STAMBPL1: variants seen among roughly 807,000 people sequenced by gnomAD.
STAMBPL1 encodes the protein STAM binding protein like 1.
Under a neutral mutation model 52.9 loss-of-function variants are expected in STAMBPL1, and 44 were observed. The observed-to-expected ratio is 0.83, with a 90% CI of 0.65 to 1.07. The LOEUF is 1.07. Ranked by LOEUF, STAMBPL1 falls within the 50% of genes least tolerant of loss-of-function variation. The pLI, the probability that STAMBPL1 is intolerant of heterozygous loss-of-function variation, is 0.00. For missense variants in STAMBPL1, 511 were observed against 520.8 expected (o/e 0.98, Z 0.18); for synonymous variants, 164 against 177.3 (o/e 0.92, Z 0.60).
rs543974678 is a variant in STAMBPL1 at position 88,916,616 on chromosome 10, C to T, written c.904-64C>T. Reference sequence around the variant, plus strand: ...CTCTTTAGTCTTAAACATTTCATTTCCTGTTCAGTTATTTTTTTTTTTTCT... The same window carrying T: ...CTCTTTAGTCTTAAACATTTCATTTTCTGTTCAGTTATTTTTTTTTTTTCT... On this transcript the variant is annotated intron_variant, in intron 7 of 10. Coordinates refer to ENST00000371926, the MANE Select transcript of STAMBPL1 (RefSeq NM_020799.4). 1.2e-4 allele frequency: 179 copies of T among 1,461,396 alleles called. 1 individual carries two copies. The African/African-American group carries it at 2.4e-3, about 19-fold the overall frequency. 90.5% of individuals were successfully genotyped at this position (1,461,396 alleles called of 1,614,324 possible). A position where few individuals can be genotyped will look rare whatever the true frequency, so the allele number is the denominator to read the frequency against.
intron 3 of STAMBPL1, among the ~76,000 whole-genome samples, chr10:88,907,309 AAGTT>A: frequency 6.6e-6 from 1 of 152,350 alleles, no homozygotes; most frequent in East Asian, 1.9e-4. Flanking sequence ...CATTTTATTC[AAGTT>A]ACTGAACTTG....
Position 88,894,411 on chromosome 10 carries a change from A to T in STAMBPL1, c.-53-7245A>T, listed in dbSNP as rs2133143000. Among the ~76,000 whole-genome samples, 2 of 152,156 alleles carry T rather than the reference A, an allele frequency of 1.3e-5. 1 individual carries two copies. The highest frequency in any genetic ancestry group is 6.8e-3 in the Middle Eastern group (2 of 294). ...CTTTTTCTATTGAAGGCGACATAGT[A>T]CCTTGCCTGCCCAGAATTCAGCTCA... On this transcript the variant is annotated intron_variant, in intron 1 of 10. Coordinates refer to ENST00000371926, the MANE Select transcript of STAMBPL1 (RefSeq NM_020799.4).
rs1373346998 is a variant in STAMBPL1 at position 88,923,236 on chromosome 10, T to C, written c.*12T>C. On this transcript the variant is annotated 3_prime_UTR_variant, in exon 11 of 11. Coordinates refer to ENST00000371926, the MANE Select transcript of STAMBPL1 (RefSeq NM_020799.4). ...TGGATCTGAGGTGATATGTTCTGAATGTAAGCACCGTCAACATCAGACACC... is the reference window on the plus strand; with the variant it reads ...TGGATCTGAGGTGATATGTTCTGAACGTAAGCACCGTCAACATCAGACACC... 1 of 1,596,164 alleles carries C rather than the reference T, an allele frequency of 6.3e-7. No homozygotes were observed. The highest frequency in any genetic ancestry group is 2.3e-5 in the East Asian group (1 of 43,686).
intron 2 of STAMBPL1, 146 bp from the exon 3 acceptor site, chr10:88,905,297 A>C (rs117030431): frequency 2.3e-5 from 15 of 662,164 alleles, no homozygotes; most frequent in Non-Finnish European, 3.8e-5. Context: ...AAAATGCTTT[A>C]CTTTGATTAT....
intron 8 of STAMBPL1, among the ~76,000 whole-genome samples, chr10:88,918,516 G>C (rs1044356246): frequency 5.3e-5 from 8 of 152,070 alleles, no homozygotes; most frequent in Non-Finnish European, 1.0e-4. Flanking sequence ...CAAGATACCA[G>C]GTGTGAAAGC....
At chr10:88,892,353 CGTGT>C (rs5786841) in intron 1 of STAMBPL1, among the ~76,000 whole-genome samples, 3,732 of 148,736 alleles carry the variant, frequency 0.025, 95 homozygotes, top group African/African-American at 0.064. Context: ...TGTGCGTGTG[CGTGT>C]GTGTGTGTGT....
Position 88,911,005 on chromosome 10 carries a change from A to G in STAMBPL1, c.414A>G (p.Gln138=), listed in dbSNP as rs1475464054. The stretch of plus-strand genomic sequence containing the variant: ...ACGTAGAATACCAAGAATATTTGCA[A>G]AGCAAAGTAAGTTCAGTTGGTACAT... ...KYNVEYQEYL[Q]SKNKYKAEIL... Residue 138 remains glutamine, a synonymous_variant, in exon 5 of 11, where the codon CAA becomes CAG. Coordinates refer to ENST00000371926, the MANE Select transcript of STAMBPL1 (RefSeq NM_020799.4). 2 of 1,568,534 alleles carry G rather than the reference A, an allele frequency of 1.3e-6. No homozygotes were observed. The highest frequency in any genetic ancestry group is 1.4e-5 in the African/African-American group (1 of 72,886).
chr10:88,911,278 G>T (rs1845217490), intron 5 of STAMBPL1, among the ~76,000 whole-genome samples: 2 of 152,310 alleles, frequency 1.3e-5, no homozygotes, highest in South Asian at 4.1e-4. Flanking sequence ...AGAACTTTTT[G>T]ATTAACTCTT....
At chr10:88,920,479 G>A (rs1845482037) in intron 8 of STAMBPL1, among the ~76,000 whole-genome samples, 1 of 152,140 alleles carries the variant, frequency 6.6e-6, no homozygotes, top group South Asian at 2.1e-4. Context: ...GTGGTGCCAA[G>A]AATCTTTGTT....
At chr10:88,901,086 T>C (rs1465729592) in intron 1 of STAMBPL1, 7 of 152,246 alleles carry the variant, frequency 4.6e-5, no homozygotes, top group Admixed American at 4.6e-4. Context: ...TCTTCATCTT[T>C]GTCATGTGAT....
chr10:88,914,696 C>T, intron 7 of STAMBPL1, 38 bp downstream of exon 7: 1 of 698,810 alleles, frequency 1.4e-6, no homozygotes, highest in Non-Finnish European at 1.9e-6. Flanking sequence ...ATATATATAT[C>T]TGCATAGGAT....
chr10:88,899,632 C>G (rs1424749075), intron 1 of STAMBPL1, among the ~76,000 whole-genome samples: 1 of 152,180 alleles, frequency 6.6e-6, no homozygotes, highest in African/African-American at 2.4e-5. Context: ...GCCTCAGCCT[C>G]CCTAGTAGCT....
intron 2 of STAMBPL1, among the ~76,000 whole-genome samples, chr10:88,903,790 A>G (rs981730954): frequency 2.6e-5 from 4 of 152,214 alleles, no homozygotes; most frequent in African/African-American, 9.6e-5. Context: ...CAGAAACTCC[A>G]ATTTCTGTCT....
At chr10:88,884,770 G>T (rs2133114215) in intron 1 of STAMBPL1, among the ~76,000 whole-genome samples, 1 of 152,244 alleles carries the variant, frequency 6.6e-6, no homozygotes, top group Middle Eastern at 3.4e-3. Context: ...TATATGCCAG[G>T]CACTGTACTA....
At chr10:88,887,787 A>G (rs949644035) in intron 1 of STAMBPL1, among the ~76,000 whole-genome samples, 1 of 152,144 alleles carries the variant, frequency 6.6e-6, no homozygotes, top group African/African-American at 2.4e-5. Flanking sequence ...CACTCAGAGT[A>G]CTGGGATCAC....
chr10:88,919,701 A>G (rs117357488), intron 8 of STAMBPL1, among the ~76,000 whole-genome samples: 1,754 of 152,284 alleles, frequency 0.012, 20 homozygotes, highest in South Asian at 0.042. Context: ...TTTAAAAGTT[A>G]GGATAATTTC....
At chr10:88,896,610 C>G (rs183579697) in intron 1 of STAMBPL1, among the ~76,000 whole-genome samples, 84 of 152,302 alleles carry the variant, frequency 5.5e-4, no homozygotes, top group African/African-American at 2.0e-3. Flanking sequence ...CCTCTCTTAA[C>G]TGCCAATGGG....
chr10:88,896,980 A>G (rs1216781536), intron 1 of STAMBPL1, among the ~76,000 whole-genome samples: 1 of 152,160 alleles, frequency 6.6e-6, no homozygotes, highest in African/African-American at 2.4e-5. Context: ...TCATTCTTGC[A>G]TTGTTTGCTG....
intron 8 of STAMBPL1, among the ~76,000 whole-genome samples, chr10:88,919,903 A>G (rs1589380918): frequency 6.6e-6 from 1 of 151,714 alleles, no homozygotes; most frequent in South Asian, 2.1e-4. Context: ...TAGAGTGATC[A>G]CAGCTCACTG....
Sources: allele counts gnomAD v4.1 joint callset (sites outside exome capture counted in the v4.1 genomes callset), GRCh38; gene constraint gnomAD v4.1.1; transcripts MANE v1.5; gene names NCBI Gene and HGNC (gene_info 2026-07-23, HGNC 2026-07-21).